The following HSPA4 variants were observed in gnomAD, a reference collection of about 807,000 sequenced individuals.
HSPA4 encodes the protein heat shock 70 kDa protein 4.
Under a neutral mutation model 106.2 loss-of-function variants are expected in HSPA4, and 25 were observed. The ratio of observed to expected loss-of-function variants is 0.24; its 90% confidence interval spans 0.17 to 0.33. The LOEUF (loss-of-function observed/expected upper bound fraction) is 0.33, where lower values mean the gene tolerates loss of function less well. HSPA4 is among the 10% of genes least tolerant of loss of function. The probability of loss-of-function intolerance (pLI) is 1.00; values close to 1 mark genes in which losing one functional copy is unlikely to be tolerated. For synonymous variants in HSPA4, 332 were observed against 333.6 expected, an observed-to-expected ratio of 1.00 and a Z score of 0.05; for missense variants, 841 against 996.0, an observed-to-expected ratio of 0.84 and a Z score of 2.10.
At chr5:133,085,737 GCAGGGAGGGATGAATAGTTGGAGCA>G (rs754606446) in intron 7 of HSPA4, among the ~76,000 whole-genome samples, 15,311 of 151,422 alleles carry the variant, frequency 0.1, 2,191 homozygotes, top group African/African-American at 0.31. Context: ...GGAGTTTGGA[GCAGGGAGGGATGAATAGTTGGAGCA>G]CAGGGAGGGA....
intron 3 of HSPA4, among the ~76,000 whole-genome samples, chr5:133,067,886 A>G (rs1424949407): frequency 2.0e-5 from 3 of 148,824 alleles, no homozygotes; most frequent in Non-Finnish European, 4.4e-5. Flanking sequence ...AGGCAAAGCA[A>G]TCACAGTTTT....
intron 6 of HSPA4, among the ~76,000 whole-genome samples, chr5:133,075,060 T>G (rs1765431362): frequency 6.6e-6 from 1 of 152,248 alleles, no homozygotes. Flanking sequence ...ATTTTGAGAC[T>G]TCATTTGTTA....
chr5:133,089,961 C>T (rs1452380145), intron 11 of HSPA4, among the ~76,000 whole-genome samples: 1 of 152,144 alleles, frequency 6.6e-6, no homozygotes, highest in Non-Finnish European at 1.5e-5. Flanking sequence ...AAACCTCTTC[C>T]AGTCTCGTTA....
intron 1 of HSPA4, among the ~76,000 whole-genome samples, chr5:133,055,191 T>A (rs1765144290): frequency 6.6e-6 from 1 of 152,180 alleles, no homozygotes; most frequent in Non-Finnish European, 1.5e-5. Flanking sequence ...TAGTTTTCAT[T>A]AACTTACAGG....
intron 7 of HSPA4, among the ~76,000 whole-genome samples, chr5:133,080,287 C>T (rs1305866973): frequency 2.0e-5 from 3 of 151,394 alleles, no homozygotes; most frequent in Non-Finnish European, 2.9e-5. Context: ...TGGTGGTGTT[C>T]GCTTGTAGTA....
chr5:133,073,670 G>A (rs1765412649), intron 5 of HSPA4, among the ~76,000 whole-genome samples: 2 of 152,148 alleles, frequency 1.3e-5, no homozygotes, highest in Admixed American at 1.3e-4. Context: ...AGCATCTCAT[G>A]GACAGAACAT....
chr5:133,089,436 C>A (rs1430327720), intron 10 of HSPA4, 126 bp from the exon 11 acceptor site: 11 of 844,436 alleles, frequency 1.3e-5, no homozygotes, highest in African/African-American at 8.5e-5. Context: ...CTCTTATAAT[C>A]TGGAAATAAT....
intron 10 of HSPA4, 130 bp from the exon 11 acceptor site, chr5:133,089,432 T>C (rs2126710916): frequency 3.6e-6 from 3 of 828,090 alleles, no homozygotes; most frequent in East Asian, 2.6e-5. Flanking sequence ...GGAACTCTTA[T>C]AATCTGGAAA....
chr5:133,087,688 A>G (rs184833812), intron 8 of HSPA4, among the ~76,000 whole-genome samples: 62 of 152,230 alleles, frequency 4.1e-4, no homozygotes, highest in Admixed American at 3.6e-3. Flanking sequence ...CAGTGGTTCA[A>G]TCTCAGCTCA....
rs927853814 is a variant in HSPA4, at chr5:133,067,272, T to A, written c.166-145T>A. Reference sequence around the variant, plus strand: ...TCACTTCGCATGCTAGTGGGCACCATTTAGAAAAGTTTAGGGTCTGAAGAA... The same window carrying A: ...TCACTTCGCATGCTAGTGGGCACCAATTAGAAAAGTTTAGGGTCTGAAGAA... On this transcript the variant is annotated intron_variant, in intron 2 of 18. Coordinates refer to ENST00000304858, the MANE Select transcript of HSPA4 (RefSeq NM_002154.4). 11 of 639,030 alleles carry A rather than the reference T, an allele frequency of 1.7e-5. No homozygotes were observed. In the African/African-American group the frequency reaches 2.0e-4, roughly 12 times the overall value. 39.6% of individuals were successfully genotyped at this position (639,030 alleles called of 1,614,324 possible). A position where few individuals can be genotyped will look rare whatever the true frequency, so the allele number is the denominator to read the frequency against.
chr5:133,078,982 C>A (rs1006440854), intron 7 of HSPA4, among the ~76,000 whole-genome samples: 3 of 152,176 alleles, frequency 2.0e-5, no homozygotes, highest in African/African-American at 7.2e-5. Context: ...GATCTGCCTG[C>A]CTTAGCCTCC....
intron 1 of HSPA4, among the ~76,000 whole-genome samples, chr5:133,053,365 G>A (rs1253501403): frequency 2.9e-5 from 4 of 138,800 alleles, no homozygotes; most frequent in African/African-American, 8.1e-5. Flanking sequence ...GAGACAGACA[G>A]GGTCTCACTC....
intron 7 of HSPA4, 79 bp from the exon 8 acceptor site, chr5:133,086,703 T>C: frequency 1.0e-6 from 1 of 976,100 alleles, no homozygotes; most frequent in Admixed American, 1.8e-5. Flanking sequence ...ACCTGTTTTT[T>C]ATTATAGCCA....
At chr5:133,091,476 C>T in intron 12 of HSPA4, 102 bp downstream of exon 12, 1 of 811,438 alleles carries the variant, frequency 1.2e-6, no homozygotes, top group Non-Finnish European at 1.9e-6. Context: ...TGTGACAGAG[C>T]TGCTGAGTGA....
At chr5:133,099,246 C>T (rs1011994975) in intron 15 of HSPA4, among the ~76,000 whole-genome samples, 2 of 152,134 alleles carry the variant, frequency 1.3e-5, no homozygotes, top group Non-Finnish European at 2.9e-5. Flanking sequence ...TCCCCTGCTT[C>T]AGCCTTTGTA....
chr5:133,065,625 ATT>A (rs1001614737), intron 2 of HSPA4, among the ~76,000 whole-genome samples: 24 of 152,312 alleles, frequency 1.6e-4, no homozygotes, highest in African/African-American at 5.5e-4. Flanking sequence ...GTTCCTTGAT[ATT>A]TTACATGCTC....
intron 6 of HSPA4, 109 bp from the exon 7 acceptor site, chr5:133,076,545 G>A: frequency 1.0e-6 from 1 of 957,786 alleles, no homozygotes; most frequent in Non-Finnish European, 1.5e-6. Context: ...TAACCTTAAT[G>A]TAACCCTCCC....
At chr5:133,070,914 A>AG (rs1373215926) in intron 4 of HSPA4, among the ~76,000 whole-genome samples, 1 of 152,118 alleles carries the variant, frequency 6.6e-6, no homozygotes. Context: ...AAGAAAAAAA[A>AG]AATTTATGAA....
At chr5:133,083,207 G>T (rs1444079956) in intron 7 of HSPA4, among the ~76,000 whole-genome samples, 1 of 151,472 alleles carries the variant, frequency 6.6e-6, no homozygotes, top group East Asian at 2.0e-4. Context: ...AGCTACTCCG[G>T]AGGCTGAGGT....
Sources: gnomAD v4.1 joint callset for allele counts (sites outside exome capture counted in the v4.1 genomes callset) on GRCh38, gnomAD v4.1.1 for gene constraint, MANE v1.5 for transcripts, NCBI Gene and HGNC (gene_info 2026-07-23, HGNC 2026-07-21) for gene names.